ZNF354C: variants seen among roughly 807,000 people sequenced by gnomAD.
ZNF354C encodes the protein KRAB-zinc finger protein synten.
Under a neutral mutation model 12.4 loss-of-function variants are expected in ZNF354C, and 7 were observed. That is an observed-to-expected ratio of 0.56 (90% CI 0.32 to 1.06). ZNF354C has a LOEUF of 1.06. Ranked by LOEUF, ZNF354C falls within the 50% of genes least tolerant of loss-of-function variation. The pLI is 0.04. For synonymous variants in ZNF354C, 202 were observed against 224.5 expected, an observed-to-expected ratio of 0.90 and a Z score of 0.90; for missense variants, 609 against 658.0, an observed-to-expected ratio of 0.93 and a Z score of 0.81.
Position 179,082,597 on chromosome 5 carries a change from G to T in ZNF354C, c.*2500G>T. On this transcript the variant is annotated 3_prime_UTR_variant, in exon 5 of 5. Transcript: ENST00000315475. Reference sequence around the variant, plus strand: ...TCCAGATTTCGGGAGGGATGAAGAGGGAGATATTCAGAAACCTTCACCAGA... The same window carrying T: ...TCCAGATTTCGGGAGGGATGAAGAGTGAGATATTCAGAAACCTTCACCAGA... The T allele has an allele frequency of 9.4e-7, 1 of 1,065,892 alleles. No homozygotes were observed. Among genetic ancestry groups the T allele is most frequent in the Non-Finnish European group, 1.5e-6 (1 of 683,088 alleles). The allele number at this position is 1,065,892 out of a possible 1,614,324, so 66.0% of individuals were successfully genotyped here.
chr5:179,082,989 TC>T lies in ZNF354C; in HGVS notation c.*2896del. ...CATATGGAAAAAGAGCTTCTTGCTA[TC>T]CCCTACTTCATAGTTAATGAAGCCA... On this transcript the variant is annotated 3_prime_UTR_variant, in exon 5 of 5. Transcript: ENST00000315475. The T allele has an allele frequency of 1.3e-6, 1 of 778,004 alleles. No homozygotes were observed. Among genetic ancestry groups the T allele is most frequent in the South Asian group, 1.6e-5 (1 of 62,798 alleles). 48.2% of individuals were successfully genotyped at this position (778,004 alleles called of 1,614,324 possible).
chr5:179,076,961 C>G, intron 3 of ZNF354C, 110 bp from the exon 4 acceptor site: 1 of 922,512 alleles, frequency 1.1e-6, no homozygotes, highest in South Asian at 1.5e-5. Flanking sequence ...CCTTGTCTGC[C>G]TCTCAGGGCT....
chr5:179,062,553 G>A (rs1032887946), intron 2 of ZNF354C, among the ~76,000 whole-genome samples: 1 of 152,186 alleles, frequency 6.6e-6, no homozygotes, highest in Non-Finnish European at 1.5e-5. Context: ...CTGGGAGTTC[G>A]TGGTATCGAT....
rs1442355056 is a variant in ZNF354C, at chr5:179,060,388, G to A, written c.-333G>A. ...CGGGAGTGGTAGTTCTCCCGCGGTT[G>A]GCGGGGTTTCGGGGACAGCTCGCGG... On this transcript the variant is annotated 5_prime_UTR_variant, in exon 1 of 5. Coordinates refer to ENST00000315475, the MANE Select transcript of ZNF354C (RefSeq NM_014594.3). The surrounding 1 kb of genome is among the most constrained non-coding windows in gnomAD (Gnocchi z 4.2). The A allele has an allele frequency of 6.6e-6, 1 of 152,398 alleles. No individual in the cohort carries two copies. Among genetic ancestry groups the A allele is most frequent in the African/African-American group, 2.4e-5 (1 of 41,470 alleles). 9.4% of individuals were successfully genotyped at this position (152,398 alleles called of 1,614,324 possible). A position where few individuals can be genotyped will look rare whatever the true frequency, so the allele number is the denominator to read the frequency against.
chr5:179,068,419 T>C (rs1761988514), intron 2 of ZNF354C, among the ~76,000 whole-genome samples: 1 of 152,234 alleles, frequency 6.6e-6, no homozygotes, highest in Non-Finnish European at 1.5e-5. Flanking sequence ...ACGGTGTGTG[T>C]AATTGGATCT....
At chr5:179,067,098 C>A (rs143581875) in intron 2 of ZNF354C, among the ~76,000 whole-genome samples, 1 of 152,166 alleles carries the variant, frequency 6.6e-6, no homozygotes, top group Non-Finnish European at 1.5e-5. Context: ...CTCACAGTTT[C>A]TCTGGGTTAG....
At chr5:179,076,636 T>C (rs1015630575) in intron 3 of ZNF354C, 65 bp downstream of exon 3, 2 of 1,588,236 alleles carry the variant, frequency 1.3e-6, no homozygotes, top group African/African-American at 2.7e-5. Context: ...ATCTTTGGGG[T>C]TCCGAGCCTG....
chr5:179,074,811 G>A (rs979417683), intron 2 of ZNF354C, among the ~76,000 whole-genome samples: 1 of 152,190 alleles, frequency 6.6e-6, no homozygotes, highest in Non-Finnish European at 1.5e-5. Flanking sequence ...GCATAAAGAA[G>A]GGTGGTGATG....
At chr5:179,069,461 G>A (rs748740060) in intron 2 of ZNF354C, among the ~76,000 whole-genome samples, 1 of 151,712 alleles carries the variant, frequency 6.6e-6, no homozygotes, top group Admixed American at 6.6e-5. Flanking sequence ...TACTCAGGAG[G>A]CTGAGGCAGG....
At chr5:179,076,654 G>A in intron 3 of ZNF354C, 83 bp downstream of exon 3, 1 of 1,545,976 alleles carries the variant, frequency 6.5e-7, no homozygotes, top group South Asian at 1.2e-5. Context: ...CTGTGGTCTT[G>A]TACCCTACTG....
In ZNF354C at chr5:179,079,560, G is replaced by A. The variant is rs777882764; in HGVS notation, c.1128G>A (p.Arg376=). 7.4e-6 allele frequency: 12 copies of A among 1,614,012 alleles called. No individual in the cohort carries two copies. The highest frequency in any genetic ancestry group is 1.7e-5 in the Admixed American group (1 of 60,010). The change falls in exon 5 of 5, where the codon AGG becomes AGA. Residue 376 remains arginine (R), a synonymous_variant. Coordinates refer to ENST00000315475, the MANE Select transcript of ZNF354C (RefSeq NM_014594.3). The surrounding 1 kb of genome is among the most constrained non-coding windows in gnomAD (Gnocchi z 4.2). ...SQFTSLAEHQ[R]FHTGEQLYTC... is the part of the protein sequence containing the mutation. ...TTACATCTCTAGCTGAACATCAGAG[G>A]TTTCATACTGGAGAACAACTGTATA...
Position 179,080,021 on chromosome 5 carries a change from G to A in ZNF354C, c.1589G>A (p.Gly530Glu), listed in dbSNP as rs1460849127. The A allele has an allele frequency of 6.2e-7, 1 of 1,612,378 alleles. No homozygotes were observed. The highest frequency in any genetic ancestry group is 1.1e-5 in the South Asian group (1 of 90,670). ...AAACTCTATAAGTGGAAGGAATATG[G>A]GAAACCTTTCATCTGCAGCTCCTCA... ...KEKLYKWKEY[G>E]KPFICSSSLT... Residue 530 changes from glycine (G) to glutamate (E), a missense_variant, in exon 5 of 5, where the codon GGG (glycine) becomes GAG (glutamate). By Grantham distance (98) the Gly-to-Glu change is moderately conservative. Coordinates refer to ENST00000315475, the MANE Select transcript of ZNF354C (RefSeq NM_014594.3).
At chr5:179,065,704 C>G (rs1217724233) in intron 2 of ZNF354C, among the ~76,000 whole-genome samples, 1 of 152,178 alleles carries the variant, frequency 6.6e-6, no homozygotes, top group Non-Finnish European at 1.5e-5. Context: ...CAGGAGCCCC[C>G]ATGCCCGGCC....
intron 2 of ZNF354C, among the ~76,000 whole-genome samples, chr5:179,074,942 G>A (rs556945270): frequency 1.3e-5 from 2 of 152,172 alleles, no homozygotes; most frequent in Admixed American, 6.5e-5. Flanking sequence ...ATACAAAGAG[G>A]TCTAACTACA....
chr5:179,061,534 G>A (rs1407172329), intron 1 of ZNF354C, among the ~76,000 whole-genome samples: 1 of 152,112 alleles, frequency 6.6e-6, no homozygotes, highest in Non-Finnish European at 1.5e-5. Flanking sequence ...GTTTCTTGGG[G>A]AGAACACAGC....
rs868716250 is a variant in ZNF354C, at chr5:179,079,412, T to G, written c.980T>G (p.Leu327Arg). The G allele has an allele frequency of 1.2e-6, 2 of 1,613,312 alleles. No homozygotes were observed. The highest frequency in any genetic ancestry group is 2.7e-5 in the African/African-American group (2 of 74,710). ...VHQRIHTGEK[L>R]YKCGECEKAF... ...CAGAGAATTCATACTGGAGAGAAAC[T>G]CTATAAATGCGGCGAATGTGAGAAG... The change falls in exon 5 of 5, where the codon CTC becomes CGC. Residue 327 changes from leucine to arginine, a missense_variant. Transcript: ENST00000315475. This position sits in a 1 kb window ranked among gnomAD's most constrained non-coding sequence, Gnocchi z 4.2.
chr5:179,076,294 T>A (rs1762120116), intron 2 of ZNF354C, 151 bp from the exon 3 acceptor site: 1 of 1,082,730 alleles, frequency 9.2e-7, no homozygotes, highest in South Asian at 1.6e-5. Flanking sequence ...TTTAATTAAA[T>A]AGCTAATGGG....
chr5:179,080,090 A>G lies in ZNF354C; in HGVS notation c.1658A>G (p.Glu553Gly). 6.4e-7 allele frequency: 1 copy of G among 1,559,408 alleles called. No individual in the cohort carries two copies. Among genetic ancestry groups the G allele is most frequent in the Non-Finnish European group, 8.6e-7 (1 of 1,157,634 alleles). The change falls in exon 5 of 5, where the codon GAG (glutamate) becomes GGG (glycine). Residue 553 changes from glutamate to glycine, a missense_variant. Transcript: ENST00000315475. ...TTTTTTAAAGGAGATAAAGCCTATG[A>G]GGTTTAGTTCATCTCTCAAATAATC... ...QRFFKGDKAY[E>G]V
chr5:179,079,998 A>G lies in ZNF354C; in HGVS notation c.1566A>G (p.Lys522=), dbSNP rs58269428. The part of the protein sequence containing the change: ...CRHKKVHTKE[K]LYKWKEYGKP... ...ACAAAAAAGTTCACACGAAAGAGAA[A>G]CTCTATAAGTGGAAGGAATATGGGA... The change falls in exon 5 of 5, where the codon AAA becomes AAG. Residue 522 remains lysine, a synonymous_variant. Transcript: ENST00000315475. This position sits in a 1 kb window ranked among gnomAD's most constrained non-coding sequence, Gnocchi z 4.2. 1.4e-3 allele frequency: 2,215 copies of G among 1,613,940 alleles called. 28 individuals are homozygous for G. In the African/African-American group the frequency reaches 0.026, roughly 19 times the overall value.
Sources: gnomAD v4.1 joint callset for allele counts (sites outside exome capture counted in the v4.1 genomes callset) on GRCh38, gnomAD v4.1.1 for gene constraint, Gnocchi (gnomAD v3.1) non-coding constraint, MANE v1.5 for transcripts, NCBI Gene and HGNC (gene_info 2026-07-23, HGNC 2026-07-21) for gene names.